The following LRMDA variants were observed in gnomAD, a reference collection of about 807,000 sequenced individuals.
LRMDA encodes leucine-rich melanocyte differentiation-associated protein.
In LRMDA, 18 loss-of-function variants were observed where a neutral mutation model predicts 29.8. The ratio of observed to expected loss-of-function variants is 0.60; its 90% CI spans 0.42 to 0.90. The LOEUF (loss-of-function observed/expected upper bound fraction) is 0.90, where lower values mean the gene tolerates loss of function less well. Among genes scored for constraint, LRMDA ranks in the 40% least tolerant of loss-of-function variants. The probability of loss-of-function intolerance (pLI) is 0.00; values close to 1 mark genes in which losing one functional copy is unlikely to be tolerated. For missense variants in LRMDA, 273 were observed against 273.9 expected (o/e 1.00, Z 0.02); for synonymous variants, 125 against 109.4 (o/e 1.14, Z -0.89).
chr10:76,306,274 C>T (rs1840554895), intron 5 of LRMDA, among the ~76,000 whole-genome samples: 1 of 152,210 alleles, frequency 6.6e-6, no homozygotes, highest in African/African-American at 2.4e-5. Flanking sequence ...TTTAGCTATC[C>T]TGATATAGAC....
chr10:76,326,901 T>C (rs368582609), intron 6 of LRMDA, among the ~76,000 whole-genome samples: 1 of 152,082 alleles, frequency 6.6e-6, no homozygotes, highest in African/African-American at 2.4e-5. Flanking sequence ...CGTATTTTGC[T>C]TCCTGCATGA....
chr10:75,815,259 C>T (rs933674245), intron 2 of LRMDA, among the ~76,000 whole-genome samples: 5 of 152,138 alleles, frequency 3.3e-5, no homozygotes, highest in African/African-American at 1.2e-4. Flanking sequence ...CATAAAGATA[C>T]CAGAGTTATT....
chr10:75,582,161 A>G (rs1416216737), intron 2 of LRMDA, among the ~76,000 whole-genome samples: 1 of 152,170 alleles, frequency 6.6e-6, no homozygotes, highest in Non-Finnish European at 1.5e-5. Flanking sequence ...TGAGAATGGT[A>G]GCCCTCTTCT....
intron 2 of LRMDA, among the ~76,000 whole-genome samples, chr10:76,015,944 G>C (rs1247668228): frequency 6.6e-6 from 1 of 152,072 alleles, no homozygotes; most frequent in Non-Finnish European, 1.5e-5. Flanking sequence ...GTCATTCTTG[G>C]ACTTCTAGCC....
chr10:76,156,649 A>G (rs146200367), intron 5 of LRMDA, among the ~76,000 whole-genome samples: 14 of 152,262 alleles, frequency 9.2e-5, no homozygotes, highest in African/African-American at 3.1e-4. Flanking sequence ...TTATGATATT[A>G]GAGGAGTATT....
intron 2 of LRMDA, among the ~76,000 whole-genome samples, chr10:75,769,843 C>A (rs1843216512): frequency 6.6e-6 from 1 of 152,120 alleles, no homozygotes; most frequent in African/African-American, 2.4e-5. Context: ...ATCAGCTTGG[C>A]ATGGTGGCAC....
At chr10:76,163,351 A>G (rs990102091) in intron 5 of LRMDA, among the ~76,000 whole-genome samples, 9 of 152,206 alleles carry the variant, frequency 5.9e-5, no homozygotes, top group African/African-American at 2.2e-4. Flanking sequence ...GTTTCTGACT[A>G]TGCAGGATGG....
chr10:76,363,081 T>A (rs1469581524), intron 6 of LRMDA, among the ~76,000 whole-genome samples: 2 of 145,758 alleles, frequency 1.4e-5, no homozygotes, highest in African/African-American at 5.2e-5. Flanking sequence ...AACATCGACC[T>A]AGCATTGTGC....
intron 2 of LRMDA, among the ~76,000 whole-genome samples, chr10:75,441,186 C>A (rs1207392428): frequency 6.6e-6 from 1 of 152,110 alleles, no homozygotes; most frequent in African/African-American, 2.4e-5. Context: ...ATCATGATAT[C>A]CAAATGAAAT....
intron 2 of LRMDA, among the ~76,000 whole-genome samples, chr10:75,645,925 CT>C (rs758730245): frequency 2.0e-4 from 31 of 151,762 alleles, no homozygotes; most frequent in Non-Finnish European, 3.7e-4. Flanking sequence ...CTTTGTCTCT[CT>C]ATCTTTGTCT....
At chr10:76,553,387 G>T (rs1843518098) in intron 6 of LRMDA, among the ~76,000 whole-genome samples, 2 of 152,210 alleles carry the variant, frequency 1.3e-5, no homozygotes, top group South Asian at 4.1e-4. Context: ...TGCCTACTGA[G>T]TCACAAACCA....
At chr10:76,161,690 A>G (rs992181830) in intron 5 of LRMDA, among the ~76,000 whole-genome samples, 6 of 152,242 alleles carry the variant, frequency 3.9e-5, no homozygotes, top group Non-Finnish European at 7.3e-5. Flanking sequence ...TGAGGCCAAC[A>G]GTCCAAAACT....
intron 2 of LRMDA, among the ~76,000 whole-genome samples, chr10:75,943,110 G>T (rs1431431809): frequency 6.8e-6 from 1 of 147,914 alleles, no homozygotes; most frequent in East Asian, 2.1e-4. Flanking sequence ...GTTAGATGAA[G>T]TTAAAGGGTT....
intron 2 of LRMDA, among the ~76,000 whole-genome samples, chr10:75,754,945 G>A (rs1453890836): frequency 6.6e-6 from 1 of 151,588 alleles, no homozygotes; most frequent in Non-Finnish European, 1.5e-5. Context: ...ACAGTCTTGT[G>A]TATCTATAGG....
chr10:75,627,863 T>A (rs926684304), intron 2 of LRMDA, among the ~76,000 whole-genome samples: 14 of 152,240 alleles, frequency 9.2e-5, no homozygotes, highest in Non-Finnish European at 2.1e-4. Context: ...GTAAAGGCTT[T>A]GTAAATATGT....
At chr10:75,761,293 A>G (rs968287996) in intron 2 of LRMDA, among the ~76,000 whole-genome samples, 1 of 152,242 alleles carries the variant, frequency 6.6e-6, no homozygotes, top group African/African-American at 2.4e-5. Context: ...CATGTCTATC[A>G]ACAGATGAAT....
At chr10:75,750,490 T>G (rs868641469) in intron 2 of LRMDA, among the ~76,000 whole-genome samples, 7,099 of 29,946 alleles carry the variant, frequency 0.24, 2 homozygotes, top group Non-Finnish European at 0.26. Flanking sequence ...GGGCGGGGGG[T>G]GGGGGGCAGA....
At chr10:76,410,943 C>T (rs1441257398) in intron 6 of LRMDA, among the ~76,000 whole-genome samples, 1 of 152,138 alleles carries the variant, frequency 6.6e-6, no homozygotes, top group African/African-American at 2.4e-5. Flanking sequence ...GAGACTCCAT[C>T]TCCAAAACAA....
intron 2 of LRMDA, among the ~76,000 whole-genome samples, chr10:75,690,992 T>TACACACACACAC (rs1280785863): frequency 1.8e-4 from 17 of 94,060 alleles, no homozygotes; most frequent in African/African-American, 4.1e-4. Flanking sequence ...TATATATATA[T>TACACACACACAC]ATACACACAC....
Sources: gnomAD v4.1 joint callset for allele counts (sites outside exome capture counted in the v4.1 genomes callset) on GRCh38, gnomAD v4.1.1 for gene constraint, MANE v1.5 for transcripts, NCBI Gene and HGNC (gene_info 2026-07-23, HGNC 2026-07-21) for gene names.